NFIX: variants seen among roughly 807,000 people sequenced by gnomAD.
NFIX encodes nuclear factor 1 X-type.
NFIX carries 2 observed loss-of-function variants against 53.3 expected under a neutral mutation model. That is an observed-to-expected ratio of 0.04 (90% confidence interval 0.02 to 0.12). The LOEUF is 0.12. Among genes scored for constraint, NFIX ranks in the 10% least tolerant of loss-of-function variants. The probability of loss-of-function intolerance (pLI) is 1.00; values close to 1 mark genes in which losing one functional copy is unlikely to be tolerated. For missense variants in NFIX, 310 were observed against 674.5 expected (o/e 0.46, Z 5.99); for synonymous variants, 244 against 289.0 (o/e 0.84, Z 1.58).
At chr19:13,086,502 G>A (rs2017786910) in intron 8 of NFIX, among the ~76,000 whole-genome samples, 1 of 152,158 alleles carries the variant, frequency 6.6e-6, no homozygotes, top group African/African-American at 2.4e-5. Flanking sequence ...CTTCCTTTGT[G>A]GCAAGGCTTC....
At chr19:13,054,261 T>C (rs1327250153) in intron 2 of NFIX, among the ~76,000 whole-genome samples, 1 of 152,166 alleles carries the variant, frequency 6.6e-6, no homozygotes, top group Non-Finnish European at 1.5e-5. Flanking sequence ...CAGCTGACTT[T>C]GGTGGGTTTC....
chr19:13,066,410 A>T lies in NFIX; in HGVS notation c.560-6637A>T, dbSNP rs995405056. On this transcript the variant is annotated intron_variant, in intron 2 of 10. Coordinates refer to ENST00000592199, the MANE Select transcript of NFIX (RefSeq NM_001365902.3). The surrounding 1 kb of genome is among the most constrained non-coding windows in gnomAD (Gnocchi z 4.2). Reference sequence around the variant, plus strand: ...CCTAGGCCCTAGGGGCAGCCAGAGCAGGCCTAGACCACATGTGGGTGTCAC... The same window carrying T: ...CCTAGGCCCTAGGGGCAGCCAGAGCTGGCCTAGACCACATGTGGGTGTCAC... Among the ~76,000 whole-genome samples, 2 of 143,618 alleles carry T rather than the reference A, an allele frequency of 1.4e-5. No individual in the cohort carries two copies. The highest frequency in any genetic ancestry group is 2.5e-5 in the African/African-American group (1 of 39,512). 94.2% of individuals were successfully genotyped at this position (143,618 alleles called of 152,430 possible).
At position 13,022,176 on chromosome 19, in the gene NFIX, T is replaced by C. The variant is rs1293694732; in HGVS notation, c.28-2845T>C. 6.6e-6 allele frequency among the ~76,000 whole-genome samples: 1 copy of C among 152,156 alleles called. No homozygotes were observed. The highest frequency in any genetic ancestry group is 1.5e-5 in the Non-Finnish European group (1 of 68,034). Reference sequence around the variant, plus strand: ...CTTCTCCCCGGGTCTGGCTGTTGTTTGTGGCTGCGTGTAGAGCTTGTCAGG... The same window carrying C: ...CTTCTCCCCGGGTCTGGCTGTTGTTCGTGGCTGCGTGTAGAGCTTGTCAGG... On this transcript the variant is annotated intron_variant, in intron 1 of 10. Coordinates refer to ENST00000592199, the MANE Select transcript of NFIX (RefSeq NM_001365902.3). The surrounding 1 kb of genome is among the most constrained non-coding windows in gnomAD (Gnocchi z 4.5).
At position 12,996,461 on chromosome 19, in the gene NFIX, G is replaced by A. The variant is rs1478555523; in HGVS notation, c.27+597G>A. ...GGCGTCTCCCCAAAGTCTTTGTTTA[G>A]GCCTCACATGGGAGCGGGGCTAAGA... On this transcript the variant is annotated intron_variant, in intron 1 of 10. Transcript: ENST00000592199. This position sits in a 1 kb window ranked among gnomAD's most constrained non-coding sequence, Gnocchi z 5.2. Among the ~76,000 whole-genome samples, 1 of 151,916 alleles carries A rather than the reference G, an allele frequency of 6.6e-6. No homozygotes were observed. Among genetic ancestry groups the A allele is most frequent in the Non-Finnish European group, 1.5e-5 (1 of 67,924 alleles).
At position 13,051,188 on chromosome 19, in the gene NFIX, T is replaced by C. The variant is rs1413452450; in HGVS notation, c.560-21859T>C. 6.6e-6 allele frequency among the ~76,000 whole-genome samples: 1 copy of C among 152,082 alleles called. No homozygotes were observed. The highest frequency in any genetic ancestry group is 1.5e-5 in the Non-Finnish European group (1 of 67,986). On this transcript the variant is annotated intron_variant, in intron 2 of 10. Coordinates refer to ENST00000592199, the MANE Select transcript of NFIX (RefSeq NM_001365902.3). This position sits in a 1 kb window ranked among gnomAD's most constrained non-coding sequence, Gnocchi z 5.1. ...GTGGCTAAGGCTGTCCCACCAGGTGTTTGGGATGCTGTCTGGCCCCTATAC... is the reference window on the plus strand; with the variant it reads ...GTGGCTAAGGCTGTCCCACCAGGTGCTTGGGATGCTGTCTGGCCCCTATAC...
At position 13,045,788 on chromosome 19, in the gene NFIX, C is replaced by T. The variant is rs573228017; in HGVS notation, c.559+20236C>T. ...GCTTCTTCCTCCTCCAGTGCAAGAG[C>T]TGGATCCAGGATTGGAGAATTTGCT... On this transcript the variant is annotated intron_variant, in intron 2 of 10. Coordinates refer to ENST00000592199, the MANE Select transcript of NFIX (RefSeq NM_001365902.3). This position sits in a 1 kb window ranked among gnomAD's most constrained non-coding sequence, Gnocchi z 4.4. 6.6e-6 allele frequency among the ~76,000 whole-genome samples: 1 copy of T among 152,342 alleles called. No individual in the cohort carries two copies. The highest frequency in any genetic ancestry group is 2.1e-4 in the South Asian group (1 of 4,826).
chr19:13,050,559 T>G (rs1040304047), intron 2 of NFIX, among the ~76,000 whole-genome samples: 2 of 152,142 alleles, frequency 1.3e-5, no homozygotes, highest in African/African-American at 4.8e-5. Context: ...ACATGTGGAA[T>G]TAACTTTAAG....
Position 13,006,987 on chromosome 19 carries a change from C to T in NFIX, c.27+11123C>T, listed in dbSNP as rs966198269. 3.3e-5 allele frequency among the ~76,000 whole-genome samples: 5 copies of T among 152,140 alleles called. No individual in the cohort carries two copies. The highest frequency in any genetic ancestry group is 2.6e-4 in the Admixed American group (4 of 15,284). On this transcript the variant is annotated intron_variant, in intron 1 of 10. Transcript: ENST00000592199. The surrounding 1 kb of genome is among the most constrained non-coding windows in gnomAD (Gnocchi z 5.6). The stretch of plus-strand genomic sequence containing the variant: ...GGCGCCTCCAGGCCCCTGCTTGTCC[C>T]GTGCCACCTGGGGATCATCCCCCAT...
At chr19:13,056,681 A>C (rs2015716098) in intron 2 of NFIX, among the ~76,000 whole-genome samples, 1 of 152,222 alleles carries the variant, frequency 6.6e-6, no homozygotes, top group African/African-American at 2.4e-5. Context: ...GCTTAGCTAC[A>C]TTCTTCTTTC....
At chr19:13,058,948 T>A (rs1450139527) in intron 2 of NFIX, among the ~76,000 whole-genome samples, 2 of 151,784 alleles carry the variant, frequency 1.3e-5, no homozygotes, top group African/African-American at 2.4e-5. Flanking sequence ...AAGATGTAGG[T>A]CCCCACTCTT....
In NFIX at chr19:13,012,804, C is replaced by T. The variant is rs913014933; in HGVS notation, c.28-12217C>T. On this transcript the variant is annotated intron_variant, in intron 1 of 10. Transcript: ENST00000592199. The surrounding 1 kb of genome is among the most constrained non-coding windows in gnomAD (Gnocchi z 5.0). ...GGGGGCGTCCCTTCGGAGAGGATCT[C>T]TCCGCGTCGCATAGTGAGCGTCGTC... Among the ~76,000 whole-genome samples, 2 of 152,228 alleles carry T rather than the reference C, an allele frequency of 1.3e-5. No homozygotes were observed. The highest frequency in any genetic ancestry group is 2.9e-5 in the Non-Finnish European group (2 of 68,036).
At chr19:13,069,414 C>T (rs1273159915) in intron 2 of NFIX, among the ~76,000 whole-genome samples, 5 of 152,230 alleles carry the variant, frequency 3.3e-5, no homozygotes, top group African/African-American at 4.8e-5. Flanking sequence ...GGCACCTGCC[C>T]GCGTTGTGCC....
At position 13,002,437 on chromosome 19, in the gene NFIX, C is replaced by G. The variant is rs2011762748; in HGVS notation, c.27+6573C>G. Among the ~76,000 whole-genome samples, 1 of 152,120 alleles carries G rather than the reference C, an allele frequency of 6.6e-6. No individual in the cohort carries two copies. The highest frequency in any genetic ancestry group is 2.1e-4 in the South Asian group (1 of 4,832). On this transcript the variant is annotated intron_variant, in intron 1 of 10. Coordinates refer to ENST00000592199, the MANE Select transcript of NFIX (RefSeq NM_001365902.3). The surrounding 1 kb of genome is among the most constrained non-coding windows in gnomAD (Gnocchi z 6.1). ...CTCTGAGGGCGGGAGTGGCCTCGTG[C>G]AGGGGCCTGGGCCCCCTGAGTGGGC...
At chr19:13,018,325 A>G (rs1038732448) in intron 1 of NFIX, among the ~76,000 whole-genome samples, 7 of 46,386 alleles carry the variant, frequency 1.5e-4, no homozygotes, top group Non-Finnish European at 3.5e-4. Context: ...TGGAGGAGAA[A>G]AGGAAGGGGC....
In NFIX at chr19:13,045,304, AG is replaced by A. The variant is rs2014915686; in HGVS notation, c.559+19753del. Among the ~76,000 whole-genome samples the A allele has an allele frequency of 6.6e-6, 1 of 152,170 alleles. No homozygotes were observed. Among genetic ancestry groups the A allele is most frequent in the African/African-American group, 2.4e-5 (1 of 41,442 alleles). ...TGTGTGTGATGCATGTGTTCCTGAT[AG>A]CACAGGGGTTCTCAGTGAGGGTGGT... is the stretch of plus-strand genomic sequence containing the variant. On this transcript the variant is annotated intron_variant, in intron 2 of 10. Transcript: ENST00000592199. The surrounding 1 kb of genome is among the most constrained non-coding windows in gnomAD (Gnocchi z 4.4).
rs1157412189 is a variant in NFIX at position 13,072,497 on chromosome 19, A to G, written c.560-550A>G. On this transcript the variant is annotated intron_variant, in intron 2 of 10. Coordinates refer to ENST00000592199, the MANE Select transcript of NFIX (RefSeq NM_001365902.3). The surrounding 1 kb of genome is among the most constrained non-coding windows in gnomAD (Gnocchi z 4.0). ...GCGCAGGCAGACAGGAATGGCTTCA[A>G]TTAACCAAGTTAGGGAAGGGGATGC... Among the ~76,000 whole-genome samples, 2 of 152,218 alleles carry G rather than the reference A, an allele frequency of 1.3e-5. No homozygotes were observed.
At chr19:12,997,789 T>G (rs1344606350) in intron 1 of NFIX, among the ~76,000 whole-genome samples, 1 of 152,198 alleles carries the variant, frequency 6.6e-6, no homozygotes, top group South Asian at 2.1e-4. Flanking sequence ...AGAAAATGCC[T>G]GTGGATACGC....
In NFIX at chr19:13,021,620, C is replaced by T. The variant is rs559400917; in HGVS notation, c.28-3401C>T. Among the ~76,000 whole-genome samples the T allele has an allele frequency of 1.3e-5, 2 of 152,278 alleles. No individual in the cohort carries two copies. The highest frequency in any genetic ancestry group is 1.3e-4 in the Admixed American group (2 of 15,300). On this transcript the variant is annotated intron_variant, in intron 1 of 10. Coordinates refer to ENST00000592199, the MANE Select transcript of NFIX (RefSeq NM_001365902.3). This position sits in a 1 kb window ranked among gnomAD's most constrained non-coding sequence, Gnocchi z 4.2. ...ATGGGGTTCTGAGTGGAATTGGATC[C>T]CTTTCTCCCTGTCTGCAGCCACATC...
intron 1 of NFIX, chr19:13,024,336 A>G (rs1231900756): frequency 1.6e-5 from 5 of 304,396 alleles, no homozygotes; most frequent in African/African-American, 1.1e-4. Flanking sequence ...GGTGTCGATA[A>G]CAAAGCTGAA....
Sources: allele counts gnomAD v4.1 joint callset (sites outside exome capture counted in the v4.1 genomes callset), GRCh38; gene constraint gnomAD v4.1.1; non-coding constraint Gnocchi (gnomAD v3.1); transcripts MANE v1.5; gene names NCBI Gene and HGNC (gene_info 2026-07-23, HGNC 2026-07-21).